CACNB2: variants seen among roughly 807,000 people sequenced by gnomAD.
CACNB2 encodes calcium voltage-gated channel auxiliary subunit beta 2.
CACNB2 carries 42 observed loss-of-function variants against 73.3 expected under a neutral mutation model. The ratio of observed to expected loss-of-function variants is 0.57; its 90% CI spans 0.45 to 0.74. The LOEUF (loss-of-function observed/expected upper bound fraction) is 0.74, where lower values mean the gene tolerates loss of function less well. Among genes scored for constraint, CACNB2 ranks in the 30% least tolerant of loss-of-function variants. CACNB2 has a pLI of 0.00. For missense variants in CACNB2, 940 were observed against 853.0 expected, an observed-to-expected ratio of 1.10 and a Z score of -1.27; for synonymous variants, 348 against 310.3, an observed-to-expected ratio of 1.12 and a Z score of -1.28.
At chr10:18,517,630 G>A (rs562664414) in intron 7 of CACNB2, among the ~76,000 whole-genome samples, 155 of 152,126 alleles carry the variant, frequency 1.0e-3, no homozygotes, top group Middle Eastern at 3.4e-3. Context: ...ACCTTCCCTC[G>A]AAGACACATA....
intron 3 of CACNB2, among the ~76,000 whole-genome samples, chr10:18,420,274 G>C (rs545447017): frequency 6.6e-6 from 1 of 151,958 alleles, no homozygotes; most frequent in Admixed American, 6.6e-5. Flanking sequence ...ATTAGTCTGG[G>C]TTCTCCAGAT....
chr10:18,488,745 T>G (rs1177629409), intron 3 of CACNB2, among the ~76,000 whole-genome samples: 1 of 151,320 alleles, frequency 6.6e-6, no homozygotes, highest in Non-Finnish European at 1.5e-5. Flanking sequence ...CACATAAACA[T>G]GTAAATGTTG....
intron 12 of CACNB2, among the ~76,000 whole-genome samples, chr10:18,537,868 C>G (rs1265447156): frequency 6.6e-6 from 1 of 152,162 alleles, no homozygotes; most frequent in Non-Finnish European, 1.5e-5. Flanking sequence ...ATATATACAT[C>G]TCTTTTCTAC....
intron 3 of CACNB2, among the ~76,000 whole-genome samples, chr10:18,438,634 TCTC>T (rs1245877651): frequency 6.6e-6 from 1 of 152,242 alleles, no homozygotes; most frequent in Non-Finnish European, 1.5e-5. Flanking sequence ...GGCCGTTTCT[TCTC>T]CTCTTGGCTG....
intron 3 of CACNB2, among the ~76,000 whole-genome samples, chr10:18,410,838 G>A (rs2044582460): frequency 6.6e-6 from 1 of 152,098 alleles, no homozygotes; most frequent in Non-Finnish European, 1.5e-5. Context: ...AAATTAGCTA[G>A]GCATGGTTGT....
chr10:18,245,877 A>T (rs923200381), intron 2 of CACNB2, among the ~76,000 whole-genome samples: 4 of 152,174 alleles, frequency 2.6e-5, no homozygotes, highest in African/African-American at 9.7e-5. Context: ...CCTTGCTTTT[A>T]AATGTGCATA....
At chr10:18,500,265 A>G (rs1384211003) in intron 4 of CACNB2, among the ~76,000 whole-genome samples, 1 of 152,240 alleles carries the variant, frequency 6.6e-6, no homozygotes, top group African/African-American at 2.4e-5. Context: ...CAAAGATTTA[A>G]GATACATATT....
intron 2 of CACNB2, among the ~76,000 whole-genome samples, chr10:18,232,765 A>G (rs1469179492): frequency 2.0e-5 from 3 of 152,326 alleles, no homozygotes; most frequent in South Asian, 4.1e-4. Flanking sequence ...CGTTACAAGC[A>G]TAAGTCCAAA....
At chr10:18,335,690 A>AT (rs1347233210) in intron 2 of CACNB2, among the ~76,000 whole-genome samples, 2 of 151,834 alleles carry the variant, frequency 1.3e-5, no homozygotes, top group South Asian at 2.1e-4. Flanking sequence ...TGATGCATAC[A>AT]TTTTTTCCTT....
chr10:18,316,791 G>A (rs1383408938), intron 2 of CACNB2, among the ~76,000 whole-genome samples: 1 of 152,124 alleles, frequency 6.6e-6, no homozygotes, highest in Non-Finnish European at 1.5e-5. Context: ...TACTCAATAA[G>A]CCTATAAGAA....
In CACNB2 at chr10:18,540,532, G is replaced by C. The variant is rs2054014798; in HGVS notation, c.*808G>C. On this transcript the variant is annotated 3_prime_UTR_variant, in exon 14 of 14. Coordinates refer to ENST00000324631, the MANE Select transcript of CACNB2 (RefSeq NM_201596.3). Reference sequence around the variant, plus strand: ...GTGATTGCTTGACTTGAAAAGGTTTGAATTCTGAATGTTATACCATCCTTG... The same window carrying C: ...GTGATTGCTTGACTTGAAAAGGTTTCAATTCTGAATGTTATACCATCCTTG... The C allele has an allele frequency of 6.6e-6, 1 of 152,494 alleles. No individual in the cohort carries two copies. The allele number at this position is 152,494 out of a possible 1,614,324, so 9.4% of individuals were successfully genotyped here. A position where few individuals can be genotyped will look rare whatever the true frequency, so the allele number is the denominator to read the frequency against.
At chr10:18,295,829 A>G (rs958818678) in intron 2 of CACNB2, among the ~76,000 whole-genome samples, 1 of 152,168 alleles carries the variant, frequency 6.6e-6, no homozygotes, top group African/African-American at 2.4e-5. Flanking sequence ...AAGACTAACA[A>G]TGACAATTAA....
intron 3 of CACNB2, among the ~76,000 whole-genome samples, chr10:18,404,283 C>T (rs1427173301): frequency 6.6e-6 from 1 of 151,956 alleles, no homozygotes; most frequent in Non-Finnish European, 1.5e-5. Flanking sequence ...ATATTAAAAT[C>T]ATGGTTTGGT....
At chr10:18,258,335 C>T (rs1289069543) in intron 2 of CACNB2, among the ~76,000 whole-genome samples, 1 of 152,078 alleles carries the variant, frequency 6.6e-6, no homozygotes, top group African/African-American at 2.4e-5. Context: ...GATCATTTCC[C>T]CAGTGTTTTC....
chr10:18,298,189 C>CA (rs1205003350), intron 2 of CACNB2, among the ~76,000 whole-genome samples: 1 of 152,018 alleles, frequency 6.6e-6, no homozygotes, highest in East Asian at 1.9e-4. Flanking sequence ...GCCAATGTGG[C>CA]AAAACCCCAT....
At chr10:18,182,647 C>T (rs1227361301) in intron 2 of CACNB2, among the ~76,000 whole-genome samples, 1 of 151,660 alleles carries the variant, frequency 6.6e-6, no homozygotes, top group Admixed American at 6.6e-5. Context: ...CGTGGTAAAA[C>T]CCCGTCTCTA....
chr10:18,310,315 G>T (rs2039907714), intron 2 of CACNB2, among the ~76,000 whole-genome samples: 1 of 151,960 alleles, frequency 6.6e-6, no homozygotes, highest in Admixed American at 6.6e-5. Context: ...TTAAAAAAGT[G>T]ATTTTTTAGG....
intron 2 of CACNB2, among the ~76,000 whole-genome samples, chr10:18,158,590 C>G (rs1348059188): frequency 6.6e-6 from 1 of 152,024 alleles, no homozygotes; most frequent in Non-Finnish European, 1.5e-5. Context: ...AATTCTTAAT[C>G]TTTTGTATTT....
intron 3 of CACNB2, among the ~76,000 whole-genome samples, chr10:18,494,709 T>A (rs1467373411): frequency 6.6e-6 from 1 of 150,612 alleles, no homozygotes; most frequent in African/African-American, 2.5e-5. Flanking sequence ...TTTTTTTAAA[T>A]CTTGGATCTA....
Sources: gnomAD v4.1 joint callset for allele counts (sites outside exome capture counted in the v4.1 genomes callset) on GRCh38, gnomAD v4.1.1 for gene constraint, MANE v1.5 for transcripts, NCBI Gene and HGNC (gene_info 2026-07-23, HGNC 2026-07-21) for gene names.